SPIDR: variants seen among roughly 807,000 people sequenced by gnomAD.
SPIDR encodes DNA repair-scaffolding protein.
A neutral mutation model predicts 104.6 loss-of-function variants in SPIDR; 93 were observed. The observed-to-expected ratio is 0.89, with a 90% CI of 0.75 to 1.06. The LOEUF is 1.06. SPIDR is among the 50% of genes least tolerant of loss of function. The pLI is 0.00. For synonymous variants in SPIDR, 431 were observed against 416.9 expected (o/e 1.03, Z -0.41); for missense variants, 1,154 against 1,111.2 (o/e 1.04, Z -0.55).
At chr8:47,272,165 C>A (rs1362685278) in intron 1 of SPIDR, among the ~76,000 whole-genome samples, 4 of 152,094 alleles carry the variant, frequency 2.6e-5, no homozygotes, top group African/African-American at 9.7e-5. Context: ...TGAGCTTTCA[C>A]CATGTTGGCC....
intron 5 of SPIDR, among the ~76,000 whole-genome samples, chr8:47,346,951 C>G (rs1587435994): frequency 6.6e-6 from 1 of 152,088 alleles, no homozygotes; most frequent in East Asian, 1.9e-4. Context: ...GTCTCTGTCT[C>G]CTTCAGTTCT....
chr8:47,261,205 C>T (rs558728100), intron 1 of SPIDR, among the ~76,000 whole-genome samples: 3 of 152,306 alleles, frequency 2.0e-5, no homozygotes, highest in African/African-American at 7.2e-5. Flanking sequence ...GCGTGCGGGC[C>T]GGGCCCTCAG....
chr8:47,342,679 A>C (rs2051018472), intron 5 of SPIDR, among the ~76,000 whole-genome samples: 1 of 152,100 alleles, frequency 6.6e-6, no homozygotes, highest in South Asian at 2.1e-4. Flanking sequence ...AGCTTTTAGC[A>C]CACATTGTAC....
Position 47,544,346 on chromosome 8 carries a change from G to T in SPIDR, c.1098-51465G>T, listed in dbSNP as rs370233574. Among the ~76,000 whole-genome samples, 11 of 152,116 alleles carry T rather than the reference G, an allele frequency of 7.2e-5. No individual in the cohort carries two copies. In the East Asian group the frequency reaches 1.4e-3, roughly 19 times the overall value. ...ATATTTTTCATATCTTCTCAACAAGGTCTACCAGAATAAGTTTTAATTTTA... is the reference window on the plus strand; with the variant it reads ...ATATTTTTCATATCTTCTCAACAAGTTCTACCAGAATAAGTTTTAATTTTA... On this transcript the variant is annotated intron_variant, in intron 8 of 19. Coordinates refer to ENST00000297423, the MANE Select transcript of SPIDR (RefSeq NM_001080394.4).
chr8:47,535,904 T>C (rs1231133034), intron 8 of SPIDR, among the ~76,000 whole-genome samples: 2 of 152,100 alleles, frequency 1.3e-5, no homozygotes, highest in Non-Finnish European at 2.9e-5. Flanking sequence ...GATAACGTGA[T>C]TGTGTATGTA....
At chr8:47,282,285 T>A (rs1353582290) in intron 2 of SPIDR, among the ~76,000 whole-genome samples, 1 of 152,266 alleles carries the variant, frequency 6.6e-6, no homozygotes, top group African/African-American at 2.4e-5. Flanking sequence ...AATATGAGTA[T>A]CAGTCTGTTC....
chr8:47,728,193 G>A (rs1241743005), intron 17 of SPIDR, among the ~76,000 whole-genome samples: 1 of 151,902 alleles, frequency 6.6e-6, no homozygotes, highest in Non-Finnish European at 1.5e-5. Context: ...TACTGTGGGA[G>A]GCCAAGTGGA....
chr8:47,468,914 A>G (rs2075288480), intron 8 of SPIDR, among the ~76,000 whole-genome samples: 1 of 152,192 alleles, frequency 6.6e-6, no homozygotes, highest in South Asian at 2.1e-4. Context: ...AGCCTACAGA[A>G]AGGGAGAAAA....
intron 5 of SPIDR, among the ~76,000 whole-genome samples, chr8:47,344,697 A>T (rs1205661431): frequency 6.6e-6 from 1 of 151,984 alleles, no homozygotes; most frequent in African/African-American, 2.4e-5. Flanking sequence ...TGTGGTTTTG[A>T]TTTGTATTTC....
At chr8:47,498,786 A>G (rs187506969) in intron 8 of SPIDR, among the ~76,000 whole-genome samples, 1 of 152,206 alleles carries the variant, frequency 6.6e-6, no homozygotes, top group Non-Finnish European at 1.5e-5. Context: ...TGTCTTTGCT[A>G]TAAAAGAAAG....
chr8:47,604,018 T>A (rs945701980), intron 10 of SPIDR, among the ~76,000 whole-genome samples: 6 of 152,204 alleles, frequency 3.9e-5, no homozygotes, highest in African/African-American at 1.4e-4. Flanking sequence ...CCTGCAGTGG[T>A]TAACAAAACC....
chr8:47,723,202 T>C (rs2083662059), intron 16 of SPIDR, among the ~76,000 whole-genome samples: 1 of 152,182 alleles, frequency 6.6e-6, no homozygotes, highest in African/African-American at 2.4e-5. Flanking sequence ...TAGTTGGTTC[T>C]TGTTTTTTGT....
chr8:47,656,360 A>G (rs927207246), intron 10 of SPIDR, among the ~76,000 whole-genome samples: 1 of 152,234 alleles, frequency 6.6e-6, no homozygotes, highest in Non-Finnish European at 1.5e-5. Context: ...AAAAATTCAA[A>G]TAGACATTTA....
At chr8:47,548,876 C>G (rs948020476) in intron 8 of SPIDR, among the ~76,000 whole-genome samples, 3 of 152,106 alleles carry the variant, frequency 2.0e-5, no homozygotes, top group African/African-American at 7.2e-5. Context: ...CCCATTAATT[C>G]ATCATTTACA....
At chr8:47,477,449 G>A (rs1554724395) in intron 8 of SPIDR, among the ~76,000 whole-genome samples, 1 of 152,188 alleles carries the variant, frequency 6.6e-6, no homozygotes, top group African/African-American at 2.4e-5. Flanking sequence ...GCCTGCCTTG[G>A]CCTCCCAAAG....
chr8:47,339,869 C>G (rs1428547076), intron 5 of SPIDR, among the ~76,000 whole-genome samples: 1 of 151,632 alleles, frequency 6.6e-6, no homozygotes, highest in Non-Finnish European at 1.5e-5. Context: ...TTAGTATAGA[C>G]GGGGTTTCAC....
intron 8 of SPIDR, among the ~76,000 whole-genome samples, chr8:47,533,215 T>G (rs2086312155): frequency 6.6e-6 from 1 of 151,988 alleles, no homozygotes; most frequent in Admixed American, 6.6e-5. Context: ...AAATCATAAA[T>G]AGAAGGAACA....
intron 10 of SPIDR, among the ~76,000 whole-genome samples, chr8:47,615,735 CAAAAACCATTGGTTTTTGA>C (rs1182332920): frequency 3.9e-5 from 6 of 152,014 alleles, no homozygotes; most frequent in Non-Finnish European, 8.8e-5. Context: ...TGAGCCTTAT[CAAAAACCATTGGTTTTTGA>C]TAAGGATTGC....
At chr8:47,601,698 A>T (rs553742492) in intron 10 of SPIDR, among the ~76,000 whole-genome samples, 1 of 151,928 alleles carries the variant, frequency 6.6e-6, no homozygotes, top group African/African-American at 2.4e-5. Flanking sequence ...TCTCAAAAAG[A>T]AAAGGGAGAA....
Sources: allele counts gnomAD v4.1 joint callset (sites outside exome capture counted in the v4.1 genomes callset), GRCh38; gene constraint gnomAD v4.1.1; transcripts MANE v1.5; gene names NCBI Gene and HGNC (gene_info 2026-07-23, HGNC 2026-07-21).